NKAIN3: variants seen among roughly 807,000 people sequenced by gnomAD.
NKAIN3 encodes sodium/potassium-transporting ATPase subunit beta-1-interacting protein 3.
A neutral mutation model predicts 30.2 loss-of-function variants in NKAIN3; 25 were observed. The observed-to-expected ratio is 0.83, with a 90% CI of 0.60 to 1.16. The LOEUF is 1.16. NKAIN3 is among the 50% of genes most tolerant of loss of function. The pLI is 0.00. For missense variants in NKAIN3, 225 were observed against 254.1 expected (o/e 0.89, Z 0.78); for synonymous variants, 91 against 89.6 (o/e 1.02, Z -0.09).
intron 4 of NKAIN3, among the ~76,000 whole-genome samples, chr8:62,785,320 CAGA>C (rs1381104031): frequency 6.6e-6 from 1 of 152,114 alleles, no homozygotes; most frequent in African/African-American, 2.4e-5. Context: ...AAACCATTCA[CAGA>C]AGACCACATG....
intron 1 of NKAIN3, among the ~76,000 whole-genome samples, chr8:62,337,887 G>A (rs576835268): frequency 8.6e-5 from 13 of 152,018 alleles, no homozygotes; most frequent in East Asian, 7.8e-4. Flanking sequence ...AAGAAGATGC[G>A]GAGGTCAACA....
chr8:62,883,456 G>GTTTTTTTTTTTTTTTTTTTTTTTTTTTT (rs1563611107), intron 4 of NKAIN3, among the ~76,000 whole-genome samples: 3 of 17,228 alleles, frequency 1.7e-4, no homozygotes, highest in African/African-American at 1.4e-3. Flanking sequence ...GAGTTTTATG[G>GTTTTTTTTTTTTTTTTTTTTTTTTTTTT]GTTTTTTTTT....
At chr8:62,634,212 A>G (rs1293386146) in intron 3 of NKAIN3, among the ~76,000 whole-genome samples, 1 of 151,974 alleles carries the variant, frequency 6.6e-6, no homozygotes, top group Non-Finnish European at 1.5e-5. Context: ...GGCCTCCCAC[A>G]TAGATCAAGG....
intron 4 of NKAIN3, among the ~76,000 whole-genome samples, chr8:62,895,133 G>A (rs1821394129): frequency 6.6e-6 from 1 of 152,192 alleles, no homozygotes; most frequent in Non-Finnish European, 1.5e-5. Context: ...TAGGCAACTA[G>A]CAACCCACAA....
intron 3 of NKAIN3, among the ~76,000 whole-genome samples, chr8:62,607,498 GA>G (rs570688359): frequency 1.3e-5 from 2 of 152,030 alleles, no homozygotes; most frequent in South Asian, 4.2e-4. Flanking sequence ...ATTTCTTGGA[GA>G]AAAAAATGTT....
At chr8:62,376,075 A>C (rs1817072571) in intron 1 of NKAIN3, among the ~76,000 whole-genome samples, 2 of 152,252 alleles carry the variant, frequency 1.3e-5, no homozygotes, top group Admixed American at 1.3e-4. Context: ...TAAAATGTAA[A>C]ATGTTGAACT....
chr8:62,668,006 A>G (rs1330700013), intron 3 of NKAIN3, among the ~76,000 whole-genome samples: 1 of 152,054 alleles, frequency 6.6e-6, no homozygotes, highest in Non-Finnish European at 1.5e-5. Flanking sequence ...TCCCATTCAC[A>G]TAATCCAGAT....
At chr8:62,272,510 G>A (rs1812810940) in intron 1 of NKAIN3, among the ~76,000 whole-genome samples, 2 of 152,158 alleles carry the variant, frequency 1.3e-5, no homozygotes, top group Non-Finnish European at 2.9e-5. Flanking sequence ...CAAGTAATTG[G>A]CGACTTTGTT....
At chr8:62,630,710 G>A (rs1315757340) in intron 3 of NKAIN3, among the ~76,000 whole-genome samples, 2 of 152,024 alleles carry the variant, frequency 1.3e-5, no homozygotes, top group Non-Finnish European at 2.9e-5. Context: ...TTCAAAAGCT[G>A]AATTAAATGC....
At chr8:62,581,262 C>A (rs1398673828) in intron 2 of NKAIN3, among the ~76,000 whole-genome samples, 1 of 152,070 alleles carries the variant, frequency 6.6e-6, no homozygotes, top group Non-Finnish European at 1.5e-5. Context: ...TCATAACATG[C>A]ATAATCAAGC....
intron 1 of NKAIN3, among the ~76,000 whole-genome samples, chr8:62,335,907 G>T (rs1471814474): frequency 1.3e-5 from 2 of 152,000 alleles, no homozygotes; most frequent in African/African-American, 4.8e-5. Flanking sequence ...GGAACTTAGG[G>T]CATTCTGGGG....
At chr8:62,376,893 A>C (rs879724160) in intron 1 of NKAIN3, among the ~76,000 whole-genome samples, 3 of 152,304 alleles carry the variant, frequency 2.0e-5, no homozygotes, top group South Asian at 2.1e-4. Context: ...TCCATGGAAG[A>C]TAATTAAGTC....
intron 3 of NKAIN3, among the ~76,000 whole-genome samples, chr8:62,637,721 C>G (rs1353472185): frequency 1.1e-4 from 16 of 152,110 alleles, no homozygotes; most frequent in Admixed American, 1.0e-3. Context: ...AAGAAGCCTC[C>G]CAGGGCTTGG....
intron 3 of NKAIN3, among the ~76,000 whole-genome samples, chr8:62,735,637 T>C (rs1016570257): frequency 6.6e-6 from 1 of 152,220 alleles, no homozygotes; most frequent in African/African-American, 2.4e-5. Flanking sequence ...TGAATTCTTT[T>C]TCTGGTGATT....
chr8:62,555,514 A>G (rs1193525129), intron 1 of NKAIN3, among the ~76,000 whole-genome samples: 1 of 152,068 alleles, frequency 6.6e-6, no homozygotes, highest in South Asian at 2.1e-4. Flanking sequence ...ATTTCTAAGG[A>G]TATTATACAG....
chr8:62,714,498 A>G (rs886869317), intron 3 of NKAIN3, among the ~76,000 whole-genome samples: 1 of 152,142 alleles, frequency 6.6e-6, no homozygotes, highest in Non-Finnish European at 1.5e-5. Flanking sequence ...TCTGCTAAAC[A>G]CTTTATATGG....
intron 4 of NKAIN3, among the ~76,000 whole-genome samples, chr8:62,837,645 GAAT>G (rs1314086951): frequency 6.6e-6 from 1 of 152,076 alleles, no homozygotes; most frequent in African/African-American, 2.4e-5. Context: ...ATTTGTAACA[GAAT>G]AATTATTTTA....
intron 1 of NKAIN3, among the ~76,000 whole-genome samples, chr8:62,567,161 T>C (rs1004431054): frequency 5.9e-5 from 9 of 152,084 alleles, no homozygotes; most frequent in Non-Finnish European, 1.3e-4. Context: ...TTCAGGATGG[T>C]GTGGGAGAAG....
rs1448099259 is a variant in NKAIN3 at position 62,911,290 on chromosome 8, G to A, written c.472-7163G>A. 2.0e-5 allele frequency among the ~76,000 whole-genome samples: 3 copies of A among 152,046 alleles called. No individual in the cohort carries two copies. The East Asian group carries it at 5.8e-4, about 29-fold the overall frequency. On this transcript the variant is annotated intron_variant, in intron 4 of 6. Transcript: ENST00000623646. ...AATCAAAACATTTTGATATATCTTT[G>A]CTTACCTCTCACCTATATGCATGAA...
Sources: gnomAD v4.1 joint callset for allele counts (sites outside exome capture counted in the v4.1 genomes callset) on GRCh38, gnomAD v4.1.1 for gene constraint, MANE v1.5 for transcripts, NCBI Gene and HGNC (gene_info 2026-07-23, HGNC 2026-07-21) for gene names.